The following SLC25A33 variants were observed in gnomAD, a reference collection of about 807,000 sequenced individuals.
SLC25A33 encodes the protein bone marrow stromal cell mitochondrial carrier protein.
Under a neutral mutation model 35.5 loss-of-function variants are expected in SLC25A33, and 15 were observed. That is an observed-to-expected ratio of 0.42 (90% CI 0.28 to 0.65). SLC25A33 has a LOEUF of 0.65. Among genes scored for constraint, SLC25A33 ranks in the 30% least tolerant of loss-of-function variants. SLC25A33 has a pLI of 0.20. For synonymous variants in SLC25A33, 136 were observed against 148.7 expected, an observed-to-expected ratio of 0.91 and a Z score of 0.62; for missense variants, 257 against 398.5, an observed-to-expected ratio of 0.64 and a Z score of 3.02.
chr1:9,562,919 C>CAT (rs1643445530), intron 2 of SLC25A33, among the ~76,000 whole-genome samples: 1 of 126,746 alleles, frequency 7.9e-6, no homozygotes, highest in Non-Finnish European at 1.7e-5. Context: ...AAAATAATAG[C>CAT]TTTTTTTTTT....
At position 9,546,072 on chromosome 1, in the gene SLC25A33, G is replaced by C. The variant is rs981446179; in HGVS notation, c.56+6325G>C. 8.6e-5 allele frequency among the ~76,000 whole-genome samples: 13 copies of C among 151,698 alleles called. No individual in the cohort carries two copies. The East Asian group carries it at 2.3e-3, about 27-fold the overall frequency. On this transcript the variant is annotated intron_variant, in intron 1 of 6. Coordinates refer to ENST00000302692, the MANE Select transcript of SLC25A33 (RefSeq NM_032315.3). ...AAATAGACTTCAAAGAATATCCCTCGTGACTGCTTTTAGACATGTAGTTTA... is the reference window on the plus strand; with the variant it reads ...AAATAGACTTCAAAGAATATCCCTCCTGACTGCTTTTAGACATGTAGTTTA...
In SLC25A33 at chr1:9,549,331, G is replaced by T. The variant is rs556665552; in HGVS notation, c.57-4295G>T. Among the ~76,000 whole-genome samples, 52 of 141,534 alleles carry T rather than the reference G, an allele frequency of 3.7e-4. 1 individual carries two copies. The South Asian group carries it at 7.9e-3, about 22-fold the overall frequency. 92.9% of individuals were successfully genotyped at this position (141,534 alleles called of 152,430 possible). A position where few individuals can be genotyped will look rare whatever the true frequency, so the allele number is the denominator to read the frequency against. ...GGATGAACTGCTGGTGGGATCAATG[G>T]GGGGGATGAACTGTTGGTGGGATCA... On this transcript the variant is annotated intron_variant, in intron 1 of 6. Coordinates refer to ENST00000302692, the MANE Select transcript of SLC25A33 (RefSeq NM_032315.3).
At chr1:9,577,335 G>A (rs1247931369) in intron 5 of SLC25A33, among the ~76,000 whole-genome samples, 1 of 152,042 alleles carries the variant, frequency 6.6e-6, no homozygotes, top group Non-Finnish European at 1.5e-5. Context: ...GGAGGCTGAG[G>A]CAGGAGAATG....
intron 3 of SLC25A33, among the ~76,000 whole-genome samples, chr1:9,569,919 A>C (rs1643564960): frequency 6.6e-6 from 1 of 152,198 alleles, no homozygotes; most frequent in Non-Finnish European, 1.5e-5. Flanking sequence ...TAGAAACAAA[A>C]AAAAAAATTA....
At chr1:9,550,664 A>T (rs6658539) in intron 1 of SLC25A33, among the ~76,000 whole-genome samples, 2 of 150,340 alleles carry the variant, frequency 1.3e-5, no homozygotes, top group African/African-American at 5.0e-5. Context: ...TTTTATTTTT[A>T]TTAATTAATT....
intron 5 of SLC25A33, among the ~76,000 whole-genome samples, chr1:9,575,637 G>A (rs80158381): frequency 0.023 from 3,527 of 152,086 alleles, 139 homozygotes; most frequent in African/African-American, 0.078. Flanking sequence ...AAAGCAAAAC[G>A]AAAGGAGGCA....
intron 1 of SLC25A33, among the ~76,000 whole-genome samples, chr1:9,551,109 T>G (rs2100377351): frequency 6.6e-6 from 1 of 152,048 alleles, no homozygotes. Context: ...ATAGGCCAGG[T>G]GCGTGGCTCA....
At chr1:9,569,010 C>G (rs1313434205) in intron 3 of SLC25A33, among the ~76,000 whole-genome samples, 1 of 152,064 alleles carries the variant, frequency 6.6e-6, no homozygotes, top group African/African-American at 2.4e-5. Context: ...CTTTGGGAGG[C>G]CGAGGCAGGC....
chr1:9,553,565 T>A (rs1643299281), intron 1 of SLC25A33, 61 bp from the exon 2 acceptor site: 2 of 1,573,864 alleles, frequency 1.3e-6, no homozygotes, highest in Non-Finnish European at 1.7e-6. Context: ...AAGCTAAGCT[T>A]AGCATTCCAT....
At chr1:9,553,046 C>T in intron 1 of SLC25A33, among the ~76,000 whole-genome samples, 1 of 150,794 alleles carries the variant, frequency 6.6e-6, no homozygotes, top group East Asian at 1.9e-4. Context: ...CATGCACCAC[C>T]ATGCCCGGCT....
At chr1:9,573,300 A>G (rs763091942) in intron 4 of SLC25A33, 46 bp from the exon 5 acceptor site, 3 of 1,355,258 alleles carry the variant, frequency 2.2e-6, no homozygotes, top group Non-Finnish European at 3.1e-6. Flanking sequence ...TTTAATAAGT[A>G]TGGACTATGT....
chr1:9,555,003 A>C (rs1643319460), intron 2 of SLC25A33, among the ~76,000 whole-genome samples: 1 of 152,176 alleles, frequency 6.6e-6, no homozygotes, highest in Non-Finnish European at 1.5e-5. Context: ...TATGTTCAAG[A>C]AAGACATTCA....
intron 2 of SLC25A33, among the ~76,000 whole-genome samples, chr1:9,565,254 C>T (rs192642284): frequency 2.2e-4 from 33 of 152,222 alleles, no homozygotes; most frequent in Middle Eastern, 3.4e-3. Context: ...ATGTGGCTCT[C>T]GCCTGTAATC....
chr1:9,581,194 G>A (rs1297901426), intron 6 of SLC25A33, among the ~76,000 whole-genome samples: 1 of 152,176 alleles, frequency 6.6e-6, no homozygotes, highest in Admixed American at 6.5e-5. Context: ...CTGTGTGAGG[G>A]CAGGAGTGAC....
intron 5 of SLC25A33, among the ~76,000 whole-genome samples, chr1:9,575,069 C>T (rs1438321517): frequency 1.3e-5 from 2 of 150,940 alleles, no homozygotes; most frequent in Non-Finnish European, 1.5e-5. Context: ...AAAAATAAGC[C>T]GGGCGTGATG....
At chr1:9,560,491 G>A (rs934327095) in intron 2 of SLC25A33, among the ~76,000 whole-genome samples, 6 of 152,028 alleles carry the variant, frequency 3.9e-5, no homozygotes, top group Non-Finnish European at 8.8e-5. Flanking sequence ...ATGAACCCCG[G>A]AGGCGGAGGT....
chr1:9,556,687 G>A (rs1234688503), intron 2 of SLC25A33, among the ~76,000 whole-genome samples: 1 of 151,786 alleles, frequency 6.6e-6, no homozygotes, highest in Non-Finnish European at 1.5e-5. Context: ...GTGTCTGTGT[G>A]TGTGTGTGTG....
At chr1:9,564,739 A>ATATAT (rs1211262069) in intron 2 of SLC25A33, among the ~76,000 whole-genome samples, 25 of 96,530 alleles carry the variant, frequency 2.6e-4, no homozygotes, top group African/African-American at 3.5e-4. Flanking sequence ...AAAAAAAAAA[A>ATATAT]ATATATATAT....
chr1:9,560,721 G>A (rs1337707788), intron 2 of SLC25A33, among the ~76,000 whole-genome samples: 2 of 149,584 alleles, frequency 1.3e-5, no homozygotes, highest in Admixed American at 1.3e-4. Flanking sequence ...TTCTGTTAAA[G>A]AAAAAAATTC....
Sources: allele counts gnomAD v4.1 joint callset (sites outside exome capture counted in the v4.1 genomes callset), GRCh38; gene constraint gnomAD v4.1.1; transcripts MANE v1.5; gene names NCBI Gene and HGNC (gene_info 2026-07-23, HGNC 2026-07-21).